AGMO: variants seen among roughly 807,000 people sequenced by gnomAD.
AGMO encodes alkylglycerol monooxygenase.
AGMO carries 75 observed loss-of-function variants against 60.2 expected under a neutral mutation model. The observed-to-expected ratio is 1.25, with a 90% CI of 1.03 to 1.51. AGMO has a LOEUF of 1.51. Ranked by LOEUF, AGMO falls within the 40% of genes most tolerant of loss-of-function variation. AGMO has a pLI of 0.00. For synonymous variants in AGMO, 261 were observed against 177.1 expected, an observed-to-expected ratio of 1.47 and a Z score of -3.76; for missense variants, 763 against 525.5, an observed-to-expected ratio of 1.45 and a Z score of -4.42.
rs548328152 is a variant in AGMO at position 15,252,487 on chromosome 7, T to C, written c.1264-51128A>G. On this transcript the variant is annotated intron_variant, in intron 12 of 12. Transcript: ENST00000342526. ...TTTCTGGCTTTGAGGAAAGTGGCTATTTAGAAAATGCCTATGTGGAAAGCA... is the reference window on the plus strand; with the variant it reads ...TTTCTGGCTTTGAGGAAAGTGGCTACTTAGAAAATGCCTATGTGGAAAGCA... 5.5e-3 allele frequency among the ~76,000 whole-genome samples: 845 copies of C among 152,324 alleles called. 4 individuals are homozygous for C. The highest frequency in any genetic ancestry group is 0.013 in the Admixed American group (197 of 15,308).
At chr7:15,315,059 G>C (rs961831011) in intron 12 of AGMO, among the ~76,000 whole-genome samples, 12 of 151,992 alleles carry the variant, frequency 7.9e-5, no homozygotes, top group Non-Finnish European at 1.6e-4. Flanking sequence ...TAACTACAAG[G>C]AACTGGATTC....
At chr7:15,356,125 A>C (rs1782521584) in intron 12 of AGMO, among the ~76,000 whole-genome samples, 1 of 152,198 alleles carries the variant, frequency 6.6e-6, no homozygotes. Flanking sequence ...TTTTATAATC[A>C]CTTGGAAAAC....
chr7:15,327,682 A>T (rs1413011116), intron 12 of AGMO, among the ~76,000 whole-genome samples: 2 of 151,872 alleles, frequency 1.3e-5, no homozygotes, highest in African/African-American at 4.8e-5. Flanking sequence ...TATGTAATTA[A>T]GCCCTGAGGG....
At chr7:15,148,645 G>C in the AGMO span, among the ~76,000 whole-genome samples, 3 of 152,052 alleles carry the variant, frequency 2.0e-5, no homozygotes, top group Non-Finnish European at 4.4e-5. Context: ...ATGTTGCAAA[G>C]GACATGATTC....
At chr7:15,481,003 T>C (rs1782733603) in intron 3 of AGMO, among the ~76,000 whole-genome samples, 1 of 148,972 alleles carries the variant, frequency 6.7e-6, no homozygotes, top group Non-Finnish European at 1.5e-5. Context: ...AATTAATGTA[T>C]AAACATTAAC....
At chr7:15,132,010 A>T in the AGMO span, among the ~76,000 whole-genome samples, 22 of 152,216 alleles carry the variant, frequency 1.4e-4, no homozygotes, top group African/African-American at 5.3e-4. Context: ...CTTATCAGAA[A>T]GCGGGGAATT....
intron 10 of AGMO, among the ~76,000 whole-genome samples, chr7:15,366,728 C>G (rs1334891835): frequency 6.6e-6 from 1 of 152,004 alleles, no homozygotes; most frequent in Non-Finnish European, 1.5e-5. Context: ...TCTACATGCT[C>G]ATATATACAT....
chr7:15,507,143 A>G (rs765674864), intron 3 of AGMO, among the ~76,000 whole-genome samples: 3 of 152,068 alleles, frequency 2.0e-5, no homozygotes, highest in Non-Finnish European at 4.4e-5. Context: ...CTGACTTCCA[A>G]GTACAAACTG....
chr7:15,462,118 C>G (rs1782158768), intron 3 of AGMO, among the ~76,000 whole-genome samples: 1 of 151,982 alleles, frequency 6.6e-6, no homozygotes, highest in Admixed American at 6.6e-5. Flanking sequence ...TGCTGTAGGT[C>G]CATTTTATCA....
chr7:15,397,290 C>G lies in AGMO; in HGVS notation c.610-3111G>C, dbSNP rs568072504. Among the ~76,000 whole-genome samples, 464 of 151,908 alleles carry G rather than the reference C, an allele frequency of 3.1e-3. 4 individuals carry two copies. Among genetic ancestry groups the G allele is most frequent in the African/African-American group, 0.011 (439 of 41,546 alleles). ...TCAAGCCCAGCAGGCGCCGGCTGGC[C>G]GCGCCCAGTGCGCGGTCCACCGAAC... is the stretch of plus-strand genomic sequence containing the variant. On this transcript the variant is annotated intron_variant, in intron 5 of 12. Transcript: ENST00000342526.
chr7:15,523,196 G>A (rs1784047181), intron 3 of AGMO, among the ~76,000 whole-genome samples: 1 of 152,180 alleles, frequency 6.6e-6, no homozygotes, highest in African/African-American at 2.4e-5. Context: ...ATGCTGGAGA[G>A]GATGTGGAGA....
chr7:15,140,010 G>T, the AGMO span, among the ~76,000 whole-genome samples: 5 of 149,314 alleles, frequency 3.3e-5, no homozygotes, highest in African/African-American at 1.2e-4. Context: ...AAGTAAAACT[G>T]GACAAAAAGA....
intron 10 of AGMO, among the ~76,000 whole-genome samples, chr7:15,378,943 A>G (rs765424776): frequency 2.2e-4 from 34 of 152,130 alleles, no homozygotes; most frequent in Non-Finnish European, 3.8e-4. Context: ...ATTAGAAATT[A>G]AGACTAAGAA....
intron 10 of AGMO, among the ~76,000 whole-genome samples, chr7:15,366,720 T>A (rs992225858): frequency 6.6e-6 from 1 of 152,094 alleles, no homozygotes; most frequent in Non-Finnish European, 1.5e-5. Context: ...TGATTCAATC[T>A]ACATGCTCAT....
At chr7:15,221,321 T>A (rs1286709993) in intron 12 of AGMO, among the ~76,000 whole-genome samples, 1 of 152,126 alleles carries the variant, frequency 6.6e-6, no homozygotes, top group Non-Finnish European at 1.5e-5. Flanking sequence ...TAGCAAAACT[T>A]TGGAATCTGG....
chr7:15,358,371 AGAT>A (rs1420836353), intron 12 of AGMO: 9 of 469,480 alleles, frequency 1.9e-5, no homozygotes, highest in Non-Finnish European at 3.5e-5. Context: ...TGCCCAGACG[AGAT>A]GATAACGTGG....
At chr7:15,256,850 C>G (rs563826264) in intron 12 of AGMO, among the ~76,000 whole-genome samples, 1 of 152,158 alleles carries the variant, frequency 6.6e-6, no homozygotes, top group Admixed American at 6.5e-5. Flanking sequence ...TGTTCACCAA[C>G]AATTCTAAGA....
At chr7:15,318,178 G>C (rs773710210) in intron 12 of AGMO, among the ~76,000 whole-genome samples, 2 of 151,546 alleles carry the variant, frequency 1.3e-5, no homozygotes, top group African/African-American at 4.9e-5. Flanking sequence ...GCTAACTTTT[G>C]TATTTTTAGT....
At chr7:15,376,382 T>C (rs1014940994) in intron 10 of AGMO, among the ~76,000 whole-genome samples, 8 of 109,212 alleles carry the variant, frequency 7.3e-5, no homozygotes, top group Middle Eastern at 3.8e-3. Flanking sequence ...ATTGATTTTT[T>C]TACAGGTTTT....
Sources: allele counts gnomAD v4.1 joint callset (sites outside exome capture counted in the v4.1 genomes callset), GRCh38; gene constraint gnomAD v4.1.1; transcripts MANE v1.5; gene names NCBI Gene and HGNC (gene_info 2026-07-23, HGNC 2026-07-21).